LEF1: variants seen among roughly 807,000 people sequenced by gnomAD.
LEF1 encodes the protein lymphoid enhancer binding factor 1, also known as lymphoid enhancer-binding factor 1.
In LEF1, 14 loss-of-function variants were observed where a neutral mutation model predicts 51.2. The ratio of observed to expected loss-of-function variants is 0.27; its 90% CI spans 0.18 to 0.43. The LOEUF is 0.43. Among genes scored for constraint, LEF1 ranks in the 20% least tolerant of loss-of-function variants. The pLI, the probability that LEF1 is intolerant of heterozygous loss-of-function variation, is 1.00. For missense variants in LEF1, 386 were observed against 512.0 expected, an observed-to-expected ratio of 0.75 and a Z score of 2.37; for synonymous variants, 185 against 183.2, an observed-to-expected ratio of 1.01 and a Z score of -0.08.
At position 108,048,704 on chromosome 4, in the gene LEF1, G is replaced by C; in HGVS notation, c.*54C>G. On this transcript the variant is annotated 3_prime_UTR_variant, in exon 12 of 12. Transcript: ENST00000265165. ...GCTTCCATCTCCAGAAGAGGTCCTG[G>C]GGTCGCTGCCTTGGCTTTGCACGTT... 1 of 1,610,360 alleles carries C rather than the reference G, an allele frequency of 6.2e-7. No homozygotes were observed. The highest frequency in any genetic ancestry group is 8.5e-7 in the Non-Finnish European group (1 of 1,178,010).
intron 3 of LEF1, among the ~76,000 whole-genome samples, chr4:108,113,399 C>A (rs929633923): frequency 1.3e-5 from 2 of 152,090 alleles, no homozygotes; most frequent in African/African-American, 4.8e-5. Context: ...ACCTACTGAA[C>A]GACTGTCTTT....
rs565690440 is a variant in LEF1, at chr4:108,124,957, G to T, written c.415-35700C>A. 3.9e-4 allele frequency among the ~76,000 whole-genome samples: 60 copies of T among 152,154 alleles called. 1 individual carries two copies. The highest frequency in any genetic ancestry group is 7.5e-4 in the Non-Finnish European group (51 of 68,006). ...CCCGTGGGAGTCATTATTCTTGACT[G>T]GTTATATCTGAAATGACCTCTCTAC... is the stretch of plus-strand genomic sequence containing the variant. On this transcript the variant is annotated intron_variant, in intron 3 of 11. Coordinates refer to ENST00000265165, the MANE Select transcript of LEF1 (RefSeq NM_016269.5).
intron 3 of LEF1, among the ~76,000 whole-genome samples, chr4:108,099,904 T>C (rs1022062170): frequency 1.3e-5 from 2 of 152,056 alleles, no homozygotes; most frequent in African/African-American, 2.4e-5. Flanking sequence ...TTCTTCAACT[T>C]GCCAGTCAAC....
chr4:108,106,453 G>A (rs1224319460), intron 3 of LEF1, among the ~76,000 whole-genome samples: 1 of 152,148 alleles, frequency 6.6e-6, no homozygotes, highest in Non-Finnish European at 1.5e-5. Flanking sequence ...GATTGAGGCT[G>A]CCTTTACGGA....
intron 11 of LEF1, among the ~76,000 whole-genome samples, chr4:108,049,572 C>T (rs545074890): frequency 2.0e-5 from 3 of 152,296 alleles, no homozygotes; most frequent in East Asian, 3.9e-4. Context: ...CACCTGCTTC[C>T]GCTGCTTTGA....
chr4:108,084,887 C>T (rs1578323352), intron 4 of LEF1, among the ~76,000 whole-genome samples: 1 of 152,166 alleles, frequency 6.6e-6, no homozygotes, highest in East Asian at 1.9e-4. Context: ...GCCCCCTTAA[C>T]TCTGAGATCC....
intron 1 of LEF1, chr4:108,166,280 T>C: frequency 6.5e-7 from 1 of 1,536,084 alleles, no homozygotes; most frequent in Non-Finnish European, 8.7e-7. Context: ...ACCTCTGCCA[T>C]TGGGATAGAG....
At chr4:108,090,743 A>T (rs1739966799) in intron 3 of LEF1, among the ~76,000 whole-genome samples, 1 of 152,126 alleles carries the variant, frequency 6.6e-6, no homozygotes, top group Non-Finnish European at 1.5e-5. Flanking sequence ...CTATTAAATA[A>T]TCTATTGTTA....
At chr4:108,090,676 T>A (rs867416119) in intron 3 of LEF1, among the ~76,000 whole-genome samples, 1 of 152,328 alleles carries the variant, frequency 6.6e-6, no homozygotes, top group Middle Eastern at 3.4e-3. Flanking sequence ...GGGATATCCA[T>A]CACCTCAAAC....
intron 3 of LEF1, among the ~76,000 whole-genome samples, chr4:108,159,349 T>C (rs1364252959): frequency 6.6e-6 from 1 of 152,212 alleles, no homozygotes; most frequent in Non-Finnish European, 1.5e-5. Flanking sequence ...TTCTAAAACT[T>C]ATTCTCCACT....
chr4:108,099,580 A>ATGTGTG (rs1560789226), intron 3 of LEF1, among the ~76,000 whole-genome samples: 3,831 of 36,986 alleles, frequency 0.1, 381 homozygotes, highest in Middle Eastern at 0.19. Flanking sequence ...GTATATATAT[A>ATGTGTG]TATATATATA....
intron 8 of LEF1, among the ~76,000 whole-genome samples, chr4:108,073,987 G>A (rs1443475301): frequency 2.0e-5 from 3 of 151,918 alleles, no homozygotes; most frequent in African/African-American, 4.8e-5. Context: ...CACCACGCCC[G>A]GCTACTTTTT....
chr4:108,072,530 T>G (rs192670559), intron 8 of LEF1, among the ~76,000 whole-genome samples: 7 of 152,328 alleles, frequency 4.6e-5, no homozygotes, highest in Non-Finnish European at 8.8e-5. Flanking sequence ...ATTGTTTAAT[T>G]GCTTTAGAAG....
chr4:108,121,537 C>T (rs946027656), intron 3 of LEF1, among the ~76,000 whole-genome samples: 8 of 152,212 alleles, frequency 5.3e-5, no homozygotes, highest in African/African-American at 1.7e-4. Flanking sequence ...CTCAGTATTT[C>T]GGGCATTACA....
intron 7 of LEF1, among the ~76,000 whole-genome samples, chr4:108,078,889 C>A (rs1042644619): frequency 6.6e-6 from 1 of 152,104 alleles, no homozygotes; most frequent in African/African-American, 2.4e-5. Flanking sequence ...CATACATTCG[C>A]AAGGGCTTTA....
At chr4:108,106,888 C>G (rs1481657241) in intron 3 of LEF1, among the ~76,000 whole-genome samples, 2 of 152,138 alleles carry the variant, frequency 1.3e-5, no homozygotes, top group Non-Finnish European at 2.9e-5. Flanking sequence ...TGTGAGTGCA[C>G]AGAGAGAGGA....
At chr4:108,056,023 C>G (rs917671490) in intron 11 of LEF1, among the ~76,000 whole-genome samples, 1 of 152,224 alleles carries the variant, frequency 6.6e-6, no homozygotes, top group East Asian at 1.9e-4. Context: ...TATCCCAACT[C>G]CAACACTGTT....
At chr4:108,096,826 G>A (rs1740422992) in intron 3 of LEF1, among the ~76,000 whole-genome samples, 1 of 152,138 alleles carries the variant, frequency 6.6e-6, no homozygotes, top group East Asian at 1.9e-4. Context: ...ATGGCAAACA[G>A]GTATATGAAA....
chr4:108,133,714 C>T (rs959930919), intron 3 of LEF1, among the ~76,000 whole-genome samples: 6 of 152,186 alleles, frequency 3.9e-5, no homozygotes, highest in Non-Finnish European at 8.8e-5. Context: ...TTGGGACGGA[C>T]TTTAGAGGTC....
Sources: allele counts gnomAD v4.1 joint callset (sites outside exome capture counted in the v4.1 genomes callset), GRCh38; gene constraint gnomAD v4.1.1; transcripts MANE v1.5; gene names NCBI Gene and HGNC (gene_info 2026-07-23, HGNC 2026-07-21).